CABCOCO1: variants seen among roughly 807,000 people sequenced by gnomAD.
CABCOCO1 encodes the protein ciliary-associated calcium-binding coiled-coil protein 1.
CABCOCO1 carries 28 observed loss-of-function variants against 35.7 expected under a neutral mutation model. That is an observed-to-expected ratio of 0.78 (90% CI 0.58 to 1.07). The LOEUF is 1.07. Among genes scored for constraint, CABCOCO1 ranks in the 50% least tolerant of loss-of-function variants. CABCOCO1 has a pLI of 0.00. For synonymous variants in CABCOCO1, 95 were observed against 100.1 expected (o/e 0.95, Z 0.30); for missense variants, 326 against 309.2 (o/e 1.05, Z -0.41).
At chr10:61,666,767 A>T (rs1005037849) in intron 1 of CABCOCO1, among the ~76,000 whole-genome samples, 1 of 151,448 alleles carries the variant, frequency 6.6e-6, no homozygotes, top group African/African-American at 2.4e-5. Context: ...TGTCAGCTTC[A>T]TTTACTAAAT....
At chr10:61,733,433 A>G (rs1325999808) in intron 5 of CABCOCO1, among the ~76,000 whole-genome samples, 1 of 152,034 alleles carries the variant, frequency 6.6e-6, no homozygotes, top group Non-Finnish European at 1.5e-5. Flanking sequence ...GAATTTTCTA[A>G]TCCAGGAGAA....
intron 3 of CABCOCO1, among the ~76,000 whole-genome samples, chr10:61,682,318 G>A (rs1271934787): frequency 6.6e-6 from 1 of 152,114 alleles, no homozygotes; most frequent in Non-Finnish European, 1.5e-5. Context: ...CAGAAAAAAA[G>A]CAAGGAATCT....
At chr10:61,690,043 T>C (rs976721881) in intron 4 of CABCOCO1, among the ~76,000 whole-genome samples, 2 of 152,144 alleles carry the variant, frequency 1.3e-5, no homozygotes, top group Non-Finnish European at 2.9e-5. Context: ...TGGATTTTAG[T>C]TCATGCGCCA....
At position 61,766,091 on chromosome 10, in the gene CABCOCO1, G is replaced by A. The variant is rs1473301723; in HGVS notation, c.*78G>A. ...GCCAGAATAACAGACTCTCTGGAGC[G>A]TCGTGTCTCCATCACTTAGTTGTGA... On this transcript the variant is annotated 3_prime_UTR_variant, in exon 8 of 8. Transcript: ENST00000648843. 35 of 1,291,898 alleles carry A rather than the reference G, an allele frequency of 2.7e-5. 1 individual carries two copies. The highest frequency in any genetic ancestry group is 3.9e-5 in the South Asian group (3 of 76,408). The allele number at this position is 1,291,898 out of a possible 1,614,324, so 80.0% of individuals were successfully genotyped here.
chr10:61,693,818 G>A (rs1840220158), intron 5 of CABCOCO1, among the ~76,000 whole-genome samples: 1 of 151,960 alleles, frequency 6.6e-6, no homozygotes, highest in Admixed American at 6.6e-5. Context: ...GGGTGTAGGA[G>A]ATTCTATAGG....
rs1491334515 is a variant in CABCOCO1, at chr10:61,680,588, CAT to C, written c.165-552_165-551del. ...TTTGTATATATTATGTTATATATAA[CAT>C]ATGTTATACATGTATAACATGTTAT... is the stretch of plus-strand genomic sequence containing the variant. On this transcript the variant is annotated intron_variant, in intron 2 of 7. Transcript: ENST00000648843. 6.4e-4 allele frequency among the ~76,000 whole-genome samples: 36 copies of C among 56,114 alleles called. 2 individuals are homozygous for C. The highest frequency in any genetic ancestry group is 1.4e-3 in the Admixed American group (5 of 3,494). The allele number at this position is 56,114 out of a possible 152,430, so 36.8% of individuals were successfully genotyped here. A position where few individuals can be genotyped will look rare whatever the true frequency, so the allele number is the denominator to read the frequency against.
chr10:61,764,619 T>C (rs891417340), intron 7 of CABCOCO1, among the ~76,000 whole-genome samples: 1 of 151,988 alleles, frequency 6.6e-6, no homozygotes, highest in African/African-American at 2.4e-5. Flanking sequence ...CATGCATAGA[T>C]GATGATTTCT....
At chr10:61,733,015 C>A (rs1393067289) in intron 5 of CABCOCO1, among the ~76,000 whole-genome samples, 1 of 152,004 alleles carries the variant, frequency 6.6e-6, no homozygotes, top group African/African-American at 2.4e-5. Flanking sequence ...TGTTTGGATT[C>A]TGTTTCTACA....
intron 5 of CABCOCO1, among the ~76,000 whole-genome samples, chr10:61,718,821 A>G (rs1335952886): frequency 2.0e-5 from 3 of 152,204 alleles, no homozygotes; most frequent in Non-Finnish European, 2.9e-5. Flanking sequence ...TTGTCACTGT[A>G]TTATATAAAT....
intron 5 of CABCOCO1, among the ~76,000 whole-genome samples, chr10:61,730,617 T>C (rs1050729218): frequency 6.6e-6 from 1 of 152,084 alleles, no homozygotes; most frequent in Non-Finnish European, 1.5e-5. Flanking sequence ...ATTTAAAGCG[T>C]GCCAATGTAT....
intron 5 of CABCOCO1, among the ~76,000 whole-genome samples, chr10:61,733,516 C>G (rs1259256395): frequency 6.6e-6 from 1 of 152,006 alleles, no homozygotes; most frequent in Non-Finnish European, 1.5e-5. Flanking sequence ...GCAACTTACA[C>G]CAGAGTCACA....
chr10:61,705,309 A>G (rs1278983987), intron 5 of CABCOCO1, among the ~76,000 whole-genome samples: 4 of 152,236 alleles, frequency 2.6e-5, no homozygotes, highest in African/African-American at 9.6e-5. Context: ...CTCAGGAACA[A>G]TTCTGGGTTG....
chr10:61,720,986 G>A (rs1264518613), intron 5 of CABCOCO1, among the ~76,000 whole-genome samples: 7 of 140,588 alleles, frequency 5.0e-5, no homozygotes, highest in African/African-American at 1.1e-4. Flanking sequence ...GTGCGGTGGC[G>A]CGATCTCGGT....
At chr10:61,677,592 C>A (rs1031136673) in intron 2 of CABCOCO1, among the ~76,000 whole-genome samples, 1 of 151,532 alleles carries the variant, frequency 6.6e-6, no homozygotes, top group Non-Finnish European at 1.5e-5. Flanking sequence ...ATGTGCACAA[C>A]GTGCAGGATT....
At chr10:61,666,675 TGG>T in intron 1 of CABCOCO1, among the ~76,000 whole-genome samples, 4 of 152,064 alleles carry the variant, frequency 2.6e-5, no homozygotes, top group African/African-American at 9.7e-5. Flanking sequence ...TACTATAGTT[TGG>T]TCTTTAGCAA....
intron 5 of CABCOCO1, among the ~76,000 whole-genome samples, chr10:61,719,557 C>T (rs1367341881): frequency 2.0e-5 from 3 of 152,134 alleles, no homozygotes; most frequent in Non-Finnish European, 4.4e-5. Context: ...ACTTGCACTG[C>T]TGATGAGCAA....
chr10:61,727,015 C>G (rs1247625098), intron 5 of CABCOCO1, among the ~76,000 whole-genome samples: 1 of 152,000 alleles, frequency 6.6e-6, no homozygotes, highest in Non-Finnish European at 1.5e-5. Flanking sequence ...TGAGCCAAGA[C>G]TGTGCCACTG....
intron 5 of CABCOCO1, among the ~76,000 whole-genome samples, chr10:61,706,487 A>G (rs1202601237): frequency 6.6e-6 from 1 of 152,246 alleles, no homozygotes. Flanking sequence ...AAATGAATGC[A>G]GTCACCTATT....
Position 61,686,169 on chromosome 10 carries a change from G to T in CABCOCO1, c.463G>T (p.Asp155Tyr). ...TGTAAAACAAGCCAATGCTATCATT[G>T]ATTACTTAAAAATCAGGTATGGATT... ...FDVKQANAII[D>Y]YLKISLFQHY... is the part of the protein sequence containing the mutation. Residue 155 changes from aspartate to tyrosine, a missense_variant, in exon 4 of 8, where the codon GAT becomes TAT. Physicochemically the swap from Asp to Tyr is radical, Grantham distance 160 (BLOSUM62 -3). Transcript: ENST00000648843. 4 of 1,571,380 alleles carry T rather than the reference G, an allele frequency of 2.5e-6. No homozygotes were observed. The South Asian group carries it at 3.6e-5, about 14-fold the overall frequency.
Sources: gnomAD v4.1 joint callset for allele counts (sites outside exome capture counted in the v4.1 genomes callset) on GRCh38, gnomAD v4.1.1 for gene constraint, MANE v1.5 for transcripts, NCBI Gene and HGNC (gene_info 2026-07-23, HGNC 2026-07-21) for gene names.